The following PPM1G variants were observed in gnomAD, a reference collection of about 807,000 sequenced individuals.
PPM1G encodes protein phosphatase, Mg2+/Mn2+ dependent 1G.
In PPM1G, 12 loss-of-function variants were observed where a neutral mutation model predicts 59.4. The ratio of observed to expected loss-of-function variants is 0.20; its 90% CI spans 0.13 to 0.33. PPM1G has a LOEUF of 0.33. Ranked by LOEUF, PPM1G falls within the 10% of genes least tolerant of loss-of-function variation. PPM1G has a pLI of 1.00. For synonymous variants in PPM1G, 245 were observed against 251.9 expected, an observed-to-expected ratio of 0.97 and a Z score of 0.26; for missense variants, 392 against 681.3, an observed-to-expected ratio of 0.58 and a Z score of 4.73.
chr2:27,392,872 TTGGTCACG>T (rs1683950298), intron 1 of PPM1G: 1 of 1,445,408 alleles, frequency 6.9e-7, no homozygotes, highest in South Asian at 1.1e-5. Flanking sequence ...CTCGTGCATG[TTGGTCACG>T]TGGTCACCCA....
rs529434340 is a variant in PPM1G at position 27,384,344 on chromosome 2, G to A, written c.826-252C>T. ...GGCTGCCAGCCAAAAATATCTTTCA[G>A]GCACTGTGGCCAGAAAATAAATTTT... On this transcript the variant is annotated intron_variant, in intron 5 of 9. Coordinates refer to ENST00000344034, the MANE Select transcript of PPM1G (RefSeq NM_177983.3). The surrounding 1 kb of genome is among the most constrained non-coding windows in gnomAD (Gnocchi z 4.8). 7.2e-5 allele frequency among the ~76,000 whole-genome samples: 11 copies of A among 152,188 alleles called. No homozygotes were observed. Among genetic ancestry groups the A allele is most frequent in the Non-Finnish European group, 1.6e-4 (11 of 68,044 alleles).
chr2:27,402,251 T>G (rs189547849), intron 1 of PPM1G, among the ~76,000 whole-genome samples: 1 of 152,324 alleles, frequency 6.6e-6, no homozygotes, highest in African/African-American at 2.4e-5. Flanking sequence ...TCTAAAGATT[T>G]GTTTCCAGAT....
At position 27,386,203 on chromosome 2, in the gene PPM1G, C is replaced by G; in HGVS notation, c.267G>C (p.Lys89Asn). 6.2e-7 allele frequency: 1 copy of G among 1,613,116 alleles called. No individual in the cohort carries two copies. The highest frequency in any genetic ancestry group is 1.1e-5 in the South Asian group (1 of 91,026). The change falls in exon 3 of 10, where the codon AAG becomes AAC. Residue 89 changes from lysine (K) to asparagine (N), a missense_variant. Transcript: ENST00000344034. ...IKDQKAYKEG[K>N]LQKALEDAFL... ...GTGTAAGCAGACAGACCTTCTGTAG[C>G]TTGCCTTCCTTGTAGGCCTTCTGAT...
rs372095215 is a variant in PPM1G at position 27,387,720 on chromosome 2, C to T, written c.121-562G>A. Reference sequence around the variant, plus strand: ...TTCACCATGTTGGTCAGGCTGGTCTCGAACTCCTGACCTTGTGATCTGCCT... The same window carrying T: ...TTCACCATGTTGGTCAGGCTGGTCTTGAACTCCTGACCTTGTGATCTGCCT... On this transcript the variant is annotated intron_variant, in intron 1 of 9. Transcript: ENST00000344034. Among the ~76,000 whole-genome samples the T allele has an allele frequency of 9.9e-5, 15 of 152,234 alleles. No homozygotes were observed. In the East Asian group the frequency reaches 1.7e-3, roughly 18 times the overall value.
chr2:27,387,039 G>T (rs775905907), intron 2 of PPM1G, 50 bp downstream of exon 2: 1 of 1,435,244 alleles, frequency 7.0e-7, no homozygotes, highest in Admixed American at 1.7e-5. Flanking sequence ...GCCCTGGAAC[G>T]TCTGGAATTG....
At chr2:27,399,250 T>C (rs765703781) in intron 1 of PPM1G, among the ~76,000 whole-genome samples, 4 of 152,168 alleles carry the variant, frequency 2.6e-5, no homozygotes, top group Non-Finnish European at 4.4e-5. Context: ...AACAAACTTG[T>C]ATCCAAAACA....
chr2:27,386,310 G>A, intron 2 of PPM1G, 31 bp from the exon 3 acceptor site: 1 of 1,469,782 alleles, frequency 6.8e-7, no homozygotes, highest in Non-Finnish European at 9.5e-7. Flanking sequence ...GTCACCTGGA[G>A]CACTGCTCCC....
intron 1 of PPM1G, among the ~76,000 whole-genome samples, chr2:27,389,496 A>G (rs1184192809): frequency 6.6e-6 from 1 of 151,986 alleles, no homozygotes; most frequent in East Asian, 1.9e-4. Flanking sequence ...TGCCCCCTTT[A>G]CATGTCTGCT....
In PPM1G at chr2:27,400,415, T is replaced by A. The variant is rs555216155; in HGVS notation, c.120+8888A>T. ...AGACCCTGTCCCCAAAAATAAAAAA[T>A]TAAAATTAAAAAATTATGCTTAGGC... On this transcript the variant is annotated intron_variant, in intron 1 of 9. Transcript: ENST00000344034. Among the ~76,000 whole-genome samples the A allele has an allele frequency of 8.6e-5, 13 of 151,440 alleles. No individual in the cohort carries two copies. The South Asian group carries it at 2.3e-3, about 27-fold the overall frequency.
At position 27,382,358 on chromosome 2, in the gene PPM1G, C is replaced by A. The variant is rs960448435; in HGVS notation, c.1331+118G>T. On this transcript the variant is annotated intron_variant, in intron 8 of 9. Coordinates refer to ENST00000344034, the MANE Select transcript of PPM1G (RefSeq NM_177983.3). This position sits in a 1 kb window ranked among gnomAD's most constrained non-coding sequence, Gnocchi z 4.2. ...TCTCAGCTCTGCCTTAGTCTGGGTGCTCTTCACCCACCAAGAGGCCTAGGT... is the reference window on the plus strand; with the variant it reads ...TCTCAGCTCTGCCTTAGTCTGGGTGATCTTCACCCACCAAGAGGCCTAGGT... The A allele has an allele frequency of 1.3e-6, 2 of 1,546,652 alleles. No homozygotes were observed. Among genetic ancestry groups the A allele is most frequent in the African/African-American group, 1.4e-5 (1 of 73,170 alleles).
intron 1 of PPM1G, among the ~76,000 whole-genome samples, chr2:27,408,175 CA>C (rs1481113210): frequency 6.6e-6 from 1 of 151,982 alleles, no homozygotes; most frequent in Non-Finnish European, 1.5e-5. Context: ...AATCGGAAAA[CA>C]AAACATTTAA....
At chr2:27,403,107 G>A (rs1684224398) in intron 1 of PPM1G, among the ~76,000 whole-genome samples, 1 of 151,972 alleles carries the variant, frequency 6.6e-6, no homozygotes, top group African/African-American at 2.4e-5. Context: ...TCAAGCATGG[G>A]CAAGAGTGAG....
rs1683716991 is a variant in PPM1G, at chr2:27,384,584, G to A, written c.825+89C>T. 2.8e-6 allele frequency: 4 copies of A among 1,434,310 alleles called. No homozygotes were observed. The highest frequency in any genetic ancestry group is 3.8e-6 in the Non-Finnish European group (4 of 1,064,640). 88.8% of individuals were successfully genotyped at this position (1,434,310 alleles called of 1,614,324 possible). ...GTCTTGGGGGATGATGTCAAAATAG[G>A]AGAAGGAAAGAGAGTTGAAAACTAC... On this transcript the variant is annotated intron_variant, in intron 5 of 9. Coordinates refer to ENST00000344034, the MANE Select transcript of PPM1G (RefSeq NM_177983.3). This position sits in a 1 kb window ranked among gnomAD's most constrained non-coding sequence, Gnocchi z 4.8.
At chr2:27,389,724 G>A (rs1173488945) in intron 1 of PPM1G, among the ~76,000 whole-genome samples, 1 of 152,130 alleles carries the variant, frequency 6.6e-6, no homozygotes, top group Non-Finnish European at 1.5e-5. Context: ...CAGCGCTCTG[G>A]GAAGGTAGGC....
Position 27,409,545 on chromosome 2 carries a change from T to C in PPM1G, c.-123A>G, listed in dbSNP as rs1480466925. ...CGGCGCGACCGACGCAAGGTGCCGGTGAAAGGCGCGAGGCCGGCCAGGAGG... is the reference window on the plus strand; with the variant it reads ...CGGCGCGACCGACGCAAGGTGCCGGCGAAAGGCGCGAGGCCGGCCAGGAGG... On this transcript the variant is annotated 5_prime_UTR_variant, in exon 1 of 10. Coordinates refer to ENST00000344034, the MANE Select transcript of PPM1G (RefSeq NM_177983.3). The C allele has an allele frequency of 1.6e-6, 2 of 1,254,756 alleles. No individual in the cohort carries two copies. Among genetic ancestry groups the C allele is most frequent in the East Asian group, 3.2e-5 (1 of 30,802 alleles). The allele number at this position is 1,254,756 out of a possible 1,614,324, so 77.7% of individuals were successfully genotyped here.
rs1487942625 is a variant in PPM1G at position 27,381,572 on chromosome 2, C to T, written c.*27G>A. 9 of 1,613,592 alleles carry T rather than the reference C, an allele frequency of 5.6e-6. No individual in the cohort carries two copies. In the South Asian group the frequency reaches 9.9e-5, roughly 18 times the overall value. The stretch of plus-strand genomic sequence containing the variant: ...AGGTCCGGAGGGCTCAGAAAACAGT[C>T]TAGGTGGGCAGGGGTCTGGATGACT... On this transcript the variant is annotated 3_prime_UTR_variant, in exon 10 of 10. Transcript: ENST00000344034.
Position 27,382,007 on chromosome 2 carries a change from G to A in PPM1G, c.1434+119C>T. On this transcript the variant is annotated intron_variant, in intron 9 of 9. Coordinates refer to ENST00000344034, the MANE Select transcript of PPM1G (RefSeq NM_177983.3). The surrounding 1 kb of genome is among the most constrained non-coding windows in gnomAD (Gnocchi z 4.2). The stretch of plus-strand genomic sequence containing the variant: ...CAGAAGGTGGAACTTTGGAGTCGGG[G>A]TTTAGCGTCTGTCAGCAATTACTGA... 6 of 1,121,992 alleles carry A rather than the reference G, an allele frequency of 5.3e-6. No homozygotes were observed. Among genetic ancestry groups the A allele is most frequent in the Middle Eastern group, 2.9e-4 (1 of 3,436 alleles). 69.5% of individuals were successfully genotyped at this position (1,121,992 alleles called of 1,614,324 possible).
chr2:27,392,601 ATT>A (rs1159441726), intron 1 of PPM1G, among the ~76,000 whole-genome samples: 13 of 46,870 alleles, frequency 2.8e-4, no homozygotes, highest in Admixed American at 7.7e-4. Flanking sequence ...CCCACAGTAC[ATT>A]TTTTTTTTGG....
chr2:27,403,052 A>T (rs916242445), intron 1 of PPM1G, among the ~76,000 whole-genome samples: 2 of 152,052 alleles, frequency 1.3e-5, no homozygotes, highest in Admixed American at 1.3e-4. Flanking sequence ...AAGTGTAGTG[A>T]GGATGTGAAG....
Sources: allele counts gnomAD v4.1 joint callset (sites outside exome capture counted in the v4.1 genomes callset), GRCh38; gene constraint gnomAD v4.1.1; non-coding constraint Gnocchi (gnomAD v3.1); transcripts MANE v1.5; gene names NCBI Gene and HGNC (gene_info 2026-07-23, HGNC 2026-07-21).